The following PEBP4 variants were observed in gnomAD, a reference collection of about 807,000 sequenced individuals.
The protein encoded by PEBP4 is phosphatidylethanolamine-binding protein 4.
PEBP4 carries 22 observed loss-of-function variants against 23.9 expected under a neutral mutation model. The ratio of observed to expected loss-of-function variants is 0.92; its 90% CI spans 0.66 to 1.31. The LOEUF (loss-of-function observed/expected upper bound fraction) is 1.31. Among genes scored for constraint, PEBP4 ranks in the 40% most tolerant of loss-of-function variants. The probability of loss-of-function intolerance (pLI) is 0.00; values close to 1 mark genes in which losing one functional copy is unlikely to be tolerated. For synonymous variants in PEBP4, 112 were observed against 99.3 expected, an observed-to-expected ratio of 1.13 and a Z score of -0.76; for missense variants, 324 against 281.7, an observed-to-expected ratio of 1.15 and a Z score of -1.07.
At chr8:22,740,660 A>G (rs1804969933) in intron 4 of PEBP4, among the ~76,000 whole-genome samples, 1 of 151,944 alleles carries the variant, frequency 6.6e-6, no homozygotes, top group Non-Finnish European at 1.5e-5. Flanking sequence ...TCCTGATGGT[A>G]CCTCCTTTCC....
chr8:22,807,371 A>C (rs1806519238), intron 4 of PEBP4, among the ~76,000 whole-genome samples: 1 of 152,152 alleles, frequency 6.6e-6, no homozygotes, highest in South Asian at 2.1e-4. Flanking sequence ...CACTGGGGAG[A>C]GGGGTCTCTG....
At chr8:22,920,400 A>T in intron 2 of PEBP4, 90 bp from the exon 3 acceptor site, 1 of 1,406,864 alleles carries the variant, frequency 7.1e-7, no homozygotes, top group Non-Finnish European at 9.6e-7. Flanking sequence ...TTGGGAATGT[A>T]AAGTGAAATG....
chr8:22,857,299 A>T (rs915022490), intron 3 of PEBP4, among the ~76,000 whole-genome samples: 7 of 151,198 alleles, frequency 4.6e-5, no homozygotes, highest in African/African-American at 1.7e-4. Context: ...TTGGTTTAAT[A>T]TCCTGAGGCA....
At chr8:22,900,909 T>G (rs1043475878) in intron 3 of PEBP4, among the ~76,000 whole-genome samples, 8 of 152,174 alleles carry the variant, frequency 5.3e-5, no homozygotes, top group Non-Finnish European at 1.2e-4. Context: ...TCTGACATAG[T>G]CAGCTCTCAG....
chr8:22,799,826 C>T (rs1419474543), intron 4 of PEBP4, among the ~76,000 whole-genome samples: 2 of 152,100 alleles, frequency 1.3e-5, no homozygotes, highest in African/African-American at 4.8e-5. Context: ...AGTAGAAATA[C>T]CATTTGACCC....
chr8:22,875,649 G>T (rs562623942), intron 3 of PEBP4, among the ~76,000 whole-genome samples: 1 of 152,130 alleles, frequency 6.6e-6, no homozygotes, highest in Admixed American at 6.5e-5. Flanking sequence ...GTCTGCGAAG[G>T]CTGAAGCTGG....
chr8:22,888,936 C>T (rs951847587), intron 3 of PEBP4, among the ~76,000 whole-genome samples: 7 of 152,236 alleles, frequency 4.6e-5, no homozygotes, highest in Non-Finnish European at 8.8e-5. Context: ...AGGCTTACTC[C>T]GCCAGGAAGC....
chr8:22,900,147 CAT>C (rs1563254109), intron 3 of PEBP4, among the ~76,000 whole-genome samples: 1 of 152,208 alleles, frequency 6.6e-6, no homozygotes, highest in East Asian at 1.9e-4. Context: ...TGGCTGGAAA[CAT>C]GTGACAGGCT....
chr8:22,732,528 C>G (rs36050793), intron 4 of PEBP4, among the ~76,000 whole-genome samples: 21,336 of 151,990 alleles, frequency 0.14, 1,935 homozygotes, highest in Middle Eastern at 0.21. Context: ...GTGTAACAAA[C>G]CTGCACATCC....
intron 2 of PEBP4, among the ~76,000 whole-genome samples, chr8:22,920,789 T>TC (rs1809182784): frequency 6.6e-6 from 1 of 152,194 alleles, no homozygotes; most frequent in South Asian, 2.1e-4. Context: ...ACCTTCTCTC[T>TC]CCCCTAAACA....
chr8:22,765,391 G>A (rs1246705210), intron 4 of PEBP4, among the ~76,000 whole-genome samples: 4 of 152,026 alleles, frequency 2.6e-5, no homozygotes, highest in Admixed American at 6.5e-5. Context: ...TGATCTGCCC[G>A]CCTTGGCCTC....
intron 3 of PEBP4, among the ~76,000 whole-genome samples, chr8:22,883,475 CCA>C: frequency 1.3e-5 from 2 of 152,234 alleles, no homozygotes; most frequent in South Asian, 4.2e-4. Flanking sequence ...CCTCCCACCC[CCA>C]CATCCCTCTC....
At chr8:22,719,198 C>A (rs548717395) in intron 6 of PEBP4, among the ~76,000 whole-genome samples, 1 of 152,212 alleles carries the variant, frequency 6.6e-6, no homozygotes, top group African/African-American at 2.4e-5. Flanking sequence ...CAAGTTTCCC[C>A]TCTGAGGGCC....
chr8:22,839,448 C>G (rs1222586302), intron 3 of PEBP4, among the ~76,000 whole-genome samples: 1 of 152,168 alleles, frequency 6.6e-6, no homozygotes, highest in East Asian at 1.9e-4. Flanking sequence ...AACTAAATGA[C>G]TGGTCCTATC....
intron 4 of PEBP4, among the ~76,000 whole-genome samples, chr8:22,802,507 G>T (rs1487320979): frequency 6.6e-6 from 1 of 152,236 alleles, no homozygotes; most frequent in Non-Finnish European, 1.5e-5. Flanking sequence ...GTCTTCTGTG[G>T]TCTGTAGCTG....
At chr8:22,730,299 G>A (rs1422639562) in intron 4 of PEBP4, among the ~76,000 whole-genome samples, 4 of 152,228 alleles carry the variant, frequency 2.6e-5, no homozygotes, top group African/African-American at 9.7e-5. Flanking sequence ...CACTTTGGGA[G>A]GCTGAGGCGG....
chr8:22,795,143 G>GTGTATATATATATATATATA (rs1268855798), intron 4 of PEBP4, among the ~76,000 whole-genome samples: 5 of 49,910 alleles, frequency 1.0e-4, no homozygotes, highest in East Asian at 1.8e-3. Flanking sequence ...ATGTGTGTGT[G>GTGTATATATATATATATATA]TATATATATA....
chr8:22,763,899 G>A (rs947880389), intron 4 of PEBP4, among the ~76,000 whole-genome samples: 4 of 152,162 alleles, frequency 2.6e-5, no homozygotes, highest in Non-Finnish European at 5.9e-5. Context: ...GATGCCAGGT[G>A]CATAATGCCA....
Position 22,731,140 on chromosome 8 carries a change from A to G in PEBP4, c.358-3920T>C, listed in dbSNP as rs909969423. Among the ~76,000 whole-genome samples, 7 of 152,260 alleles carry G rather than the reference A, an allele frequency of 4.6e-5. No homozygotes were observed. The East Asian group carries it at 1.3e-3, about 29-fold the overall frequency. On this transcript the variant is annotated intron_variant, in intron 4 of 6. Transcript: ENST00000256404. Reference sequence around the variant, plus strand: ...GAAGAAATATAGTTGATCTTTGAACAACATGGGTTTGATTTGTGTCCACCT... The same window carrying G: ...GAAGAAATATAGTTGATCTTTGAACGACATGGGTTTGATTTGTGTCCACCT...
Sources: gnomAD v4.1 joint callset for allele counts (sites outside exome capture counted in the v4.1 genomes callset) on GRCh38, gnomAD v4.1.1 for gene constraint, MANE v1.5 for transcripts, NCBI Gene and HGNC (gene_info 2026-07-23, HGNC 2026-07-21) for gene names.